Variants in CCDC7 observed in about 807,000 individuals in gnomAD.
CCDC7 encodes coiled-coil domain-containing protein 7.
CCDC7 carries 183 observed loss-of-function variants against 196.9 expected under a neutral mutation model. The ratio of observed to expected loss-of-function variants is 0.93; its 90% CI spans 0.82 to 1.05. The LOEUF is 1.05. Among genes scored for constraint, CCDC7 ranks in the 50% least tolerant of loss-of-function variants. The probability of loss-of-function intolerance (pLI) is 0.00; values close to 1 mark genes in which losing one functional copy is unlikely to be tolerated. For synonymous variants in CCDC7, 525 were observed against 484.6 expected (o/e 1.08, Z -1.10); for missense variants, 1,540 against 1,482.2 (o/e 1.04, Z -0.64).
intron 32 of CCDC7, among the ~76,000 whole-genome samples, chr10:32,824,943 A>G (rs1374614154): frequency 6.6e-6 from 1 of 152,260 alleles, no homozygotes; most frequent in Non-Finnish European, 1.5e-5. Context: ...TATGAACATG[A>G]TAACAAGATG....
Position 32,562,126 on chromosome 10 carries a change from G to A in CCDC7, c.1135-3432G>A, listed in dbSNP as rs1395569204. 7.9e-5 allele frequency among the ~76,000 whole-genome samples: 12 copies of A among 152,132 alleles called. No individual in the cohort carries two copies. The East Asian group carries it at 1.9e-3, about 25-fold the overall frequency. On this transcript the variant is annotated intron_variant, in intron 13 of 41. Coordinates refer to ENST00000639629, the Ensembl canonical transcript of CCDC7. ...GAAGAAGTTGAATCTCTGAATAGACGAATAACAGGCTCTGAAATTGTGGCA... is the reference window on the plus strand; with the variant it reads ...GAAGAAGTTGAATCTCTGAATAGACAAATAACAGGCTCTGAAATTGTGGCA...
intron 20 of CCDC7, among the ~76,000 whole-genome samples, chr10:32,638,899 T>C (rs944139334): frequency 2.6e-5 from 4 of 152,108 alleles, no homozygotes; most frequent in Admixed American, 6.6e-5. Flanking sequence ...TTATTGCCTC[T>C]ATTTCAGAGC....
In CCDC7 at chr10:32,544,163, C is replaced by T. The variant is rs1215161992; in HGVS notation, c.1080-84C>T. On this transcript the variant is annotated intron_variant, in intron 12 of 41. Coordinates refer to ENST00000639629, the Ensembl canonical transcript of CCDC7. ...TAAAAAAACTTCATTATTTTAAAAT[C>T]GTTTAAAAAGTCCTCCTCAAGAAAG... The T allele has an allele frequency of 2.9e-5, 33 of 1,150,686 alleles. 1 individual carries two copies. The South Asian group carries it at 4.6e-4, about 16-fold the overall frequency. 71.3% of individuals were successfully genotyped at this position (1,150,686 alleles called of 1,614,324 possible).
intron 20 of CCDC7, among the ~76,000 whole-genome samples, chr10:32,651,626 G>A (rs562408160): frequency 6.6e-6 from 1 of 152,284 alleles, no homozygotes; most frequent in East Asian, 1.9e-4. Flanking sequence ...TAAGGGTTCA[G>A]GGTGAGAGAG....
downstream of CCDC7, among the ~76,000 whole-genome samples, chr10:32,880,685 C>G (rs2094759384): frequency 6.6e-6 from 1 of 152,132 alleles, no homozygotes. Context: ...GGTTTTACAT[C>G]TAAGTCTTTA....
At chr10:32,682,213 CCT>C (rs1420098590) in intron 21 of CCDC7, among the ~76,000 whole-genome samples, 2 of 152,124 alleles carry the variant, frequency 1.3e-5, no homozygotes, top group Non-Finnish European at 2.9e-5. Context: ...CTATTTTTCC[CCT>C]CTTTGTGTCC....
In CCDC7 at chr10:32,854,433, CTA is replaced by C. The variant is rs1263584739; in HGVS notation, c.4057_4058del (p.Ile1353Ter). The C allele has an allele frequency of 1.2e-6, 2 of 1,607,860 alleles. No individual in the cohort carries two copies. Among genetic ancestry groups the C allele is most frequent in the African/African-American group, 2.7e-5 (2 of 74,726 alleles). Reference sequence around the variant, plus strand: ...AAAGTTGTTACCTTAAGCCAAAAAACTATTGAATTTACTCTGCCTACTGTGAC... The same window carrying C: ...AAAGTTGTTACCTTAAGCCAAAAAACTTGAATTTACTCTGCCTACTGTGAC... On this transcript the variant is annotated frameshift_variant, in exon 41 of 42. Coordinates refer to ENST00000639629, the Ensembl canonical transcript of CCDC7. LOFTEE classifies it high-confidence loss of function.
At chr10:32,875,667 G>T (rs139768703) in intron 41 of CCDC7, among the ~76,000 whole-genome samples, 1 of 151,800 alleles carries the variant, frequency 6.6e-6, no homozygotes, top group Non-Finnish European at 1.5e-5. Flanking sequence ...GTTGTTTCCC[G>T]TTTTTTCTAT....
At chr10:32,666,465 G>A (rs1480353410) in intron 21 of CCDC7, among the ~76,000 whole-genome samples, 1 of 151,920 alleles carries the variant, frequency 6.6e-6, no homozygotes, top group Non-Finnish European at 1.5e-5. Flanking sequence ...CCGTGTTGGT[G>A]TGCTGCACCC....
intron 20 of CCDC7, among the ~76,000 whole-genome samples, chr10:32,645,195 TAAC>T (rs1165676914): frequency 1.3e-5 from 2 of 152,180 alleles, no homozygotes; most frequent in Non-Finnish European, 2.9e-5. Context: ...ATGACAAAAA[TAAC>T]AAAATCTTTC....
At chr10:32,630,598 T>C (rs1202042967) in intron 18 of CCDC7, among the ~76,000 whole-genome samples, 1 of 152,108 alleles carries the variant, frequency 6.6e-6, no homozygotes, top group Admixed American at 6.6e-5. Context: ...ACTTATAGCA[T>C]TGAACAGATC....
chr10:32,861,597 G>C (rs1484462193), intron 41 of CCDC7, among the ~76,000 whole-genome samples: 1 of 152,180 alleles, frequency 6.6e-6, no homozygotes, highest in African/African-American at 2.4e-5. Flanking sequence ...TAGAGCTTCT[G>C]CACAGCAAAA....
At chr10:32,848,850 G>T in intron 39 of CCDC7, 132 bp downstream of exon 40, 1 of 749,750 alleles carries the variant, frequency 1.3e-6, no homozygotes, top group East Asian at 2.7e-5. Context: ...TCTTACAAGC[G>T]TAAAAATAAA....
intron 18 of CCDC7, among the ~76,000 whole-genome samples, chr10:32,633,696 A>ATATGTG (rs779341941): frequency 9.6e-5 from 13 of 135,160 alleles, no homozygotes; most frequent in African/African-American, 3.6e-4. Flanking sequence ...ATATATATAT[A>ATATGTG]TGTGTGTGTG....
intron 41 of CCDC7, among the ~76,000 whole-genome samples, chr10:32,869,049 A>G (rs1274631485): frequency 6.6e-6 from 1 of 152,128 alleles, no homozygotes; most frequent in African/African-American, 2.4e-5. Flanking sequence ...GTGTCTTTAT[A>G]GCAGCATGAT....
At chr10:32,612,838 T>C (rs2682268) in intron 18 of CCDC7, among the ~76,000 whole-genome samples, 126,583 of 151,804 alleles carry the variant, frequency 0.83, 53,409 homozygotes, top group Non-Finnish European at 0.9. Context: ...TGAGAATTTT[T>C]GCATCGATGT....
intron 18 of CCDC7, among the ~76,000 whole-genome samples, chr10:32,605,962 G>A (rs116901814): frequency 0.017 from 2,640 of 152,320 alleles, 38 homozygotes; most frequent in Admixed American, 0.029. Flanking sequence ...TGGGGAAAAG[G>A]CCTCGAAGTC....
At chr10:32,632,579 C>T (rs938681227) in intron 18 of CCDC7, among the ~76,000 whole-genome samples, 1 of 151,972 alleles carries the variant, frequency 6.6e-6, no homozygotes, top group African/African-American at 2.4e-5. Flanking sequence ...AAGTTTGCAG[C>T]TGTAAAATTC....
At chr10:32,570,742 T>C (rs2057438388) in intron 15 of CCDC7, among the ~76,000 whole-genome samples, 1 of 152,202 alleles carries the variant, frequency 6.6e-6, no homozygotes, top group African/African-American at 2.4e-5. Flanking sequence ...TCCTATTTGC[T>C]ACATTTAACT....
Sources: gnomAD v4.1 joint callset for allele counts (sites outside exome capture counted in the v4.1 genomes callset) on GRCh38, gnomAD v4.1.1 for gene constraint, MANE v1.5 for transcripts, NCBI Gene and HGNC (gene_info 2026-07-23, HGNC 2026-07-21) for gene names.